The following CDC27 variants were observed in gnomAD, a reference collection of about 807,000 sequenced individuals.
CDC27 encodes cell division cycle 27, also known as cell division cycle protein 27 homolog.
A neutral mutation model predicts 109.7 loss-of-function variants in CDC27; 27 were observed. The observed-to-expected ratio is 0.25, with a 90% CI of 0.18 to 0.34. CDC27 has a LOEUF of 0.34. Among genes scored for constraint, CDC27 ranks in the 10% least tolerant of loss-of-function variants. CDC27 has a pLI of 1.00. For synonymous variants in CDC27, 266 were observed against 333.9 expected, an observed-to-expected ratio of 0.80 and a Z score of 2.22; for missense variants, 579 against 960.2, an observed-to-expected ratio of 0.60 and a Z score of 5.25.
chr17:47,128,553 T>C (rs572221258), intron 16 of CDC27, among the ~76,000 whole-genome samples: 1 of 152,178 alleles, frequency 6.6e-6, no homozygotes, highest in Non-Finnish European at 1.5e-5. Context: ...CATAACTTAA[T>C]ACACTTTCCC....
intron 16 of CDC27, among the ~76,000 whole-genome samples, chr17:47,124,178 A>AAC (rs59790354): frequency 0.011 from 1,518 of 144,436 alleles, 19 homozygotes; most frequent in Middle Eastern, 0.042. Context: ...GTACACTGAA[A>AAC]ACACACACAC....
intron 4 of CDC27, among the ~76,000 whole-genome samples, chr17:47,158,593 C>T (rs1358931632): frequency 6.6e-6 from 1 of 151,754 alleles, no homozygotes. Flanking sequence ...ATGTGAAAAA[C>T]ATCCAAATCC....
At chr17:47,129,896 T>C (rs1341670176) in intron 15 of CDC27, among the ~76,000 whole-genome samples, 1 of 152,204 alleles carries the variant, frequency 6.6e-6, no homozygotes, top group Non-Finnish European at 1.5e-5. Flanking sequence ...AACCTTGGTG[T>C]TCTATTCATA....
Position 47,184,969 on chromosome 17 carries a change from G to A in CDC27, c.28-3332C>T, listed in dbSNP as rs118125119. Among the ~76,000 whole-genome samples, 294 of 152,168 alleles carry A rather than the reference G, an allele frequency of 1.9e-3. 5 individuals carry two copies. In the East Asian group the frequency reaches 0.053, roughly 28 times the overall value. ...AAGTTATGAAGCCAAAAAGAACAACGCTCCTCTCCCTCTCCCCTAAAAAAT... is the reference window on the plus strand; with the variant it reads ...AAGTTATGAAGCCAAAAAGAACAACACTCCTCTCCCTCTCCCCTAAAAAAT... On this transcript the variant is annotated intron_variant, in intron 1 of 18. Transcript: ENST00000066544.
At chr17:47,188,403 A>C (rs978186772) in intron 1 of CDC27, among the ~76,000 whole-genome samples, 11 of 152,208 alleles carry the variant, frequency 7.2e-5, no homozygotes, top group African/African-American at 2.7e-4. Context: ...CCTGGTGTAA[A>C]GGCAGTGAAA....
chr17:47,127,410 G>A (rs538172666), intron 16 of CDC27, among the ~76,000 whole-genome samples: 3 of 150,588 alleles, frequency 2.0e-5, no homozygotes, highest in East Asian at 3.9e-4. Flanking sequence ...CTATTTTTAC[G>A]TTTTTTTTTG....
chr17:47,156,796 C>T, intron 7 of CDC27, 117 bp downstream of exon 7: 2 of 445,296 alleles, frequency 4.5e-6, no homozygotes, highest in Non-Finnish European at 8.0e-6. Flanking sequence ...ACAGAATGCC[C>T]CTGTTTCCAC....
chr17:47,143,678 T>G (rs11570518), intron 10 of CDC27, among the ~76,000 whole-genome samples: 271 of 152,148 alleles, frequency 1.8e-3, no homozygotes, highest in African/African-American at 6.1e-3. Context: ...AGAAAAAAAA[T>G]TTTTTAATTA....
intron 4 of CDC27, among the ~76,000 whole-genome samples, chr17:47,164,609 G>A (rs1374214237): frequency 6.6e-6 from 1 of 152,164 alleles, no homozygotes; most frequent in Non-Finnish European, 1.5e-5. Flanking sequence ...GTGAGGTTGG[G>A]AATTTGAGAC....
intron 1 of CDC27, among the ~76,000 whole-genome samples, chr17:47,182,819 A>G (rs1567725447): frequency 6.6e-6 from 1 of 152,130 alleles, no homozygotes; most frequent in Admixed American, 6.5e-5. Context: ...TTTTCCAATT[A>G]TAACAATGCT....
At chr17:47,132,574 AT>A (rs1216785658) in intron 14 of CDC27, among the ~76,000 whole-genome samples, 200 bp from the exon 15 acceptor site, 3 of 150,532 alleles carry the variant, frequency 2.0e-5, no homozygotes, top group Admixed American at 1.3e-4. Context: ...AAATAAAAAA[AT>A]TTTTTTTTGA....
rs1355141464 is a variant in CDC27 at position 47,124,255 on chromosome 17, TCATCTATCTATC to T, written c.2161-307_2161-296del. Among the ~76,000 whole-genome samples the T allele has an allele frequency of 4.8e-5, 3 of 62,984 alleles. No homozygotes were observed. The East Asian group carries it at 9.5e-4, about 20-fold the overall frequency. 41.3% of individuals were successfully genotyped at this position (62,984 alleles called of 152,430 possible). ...AGGTGGTAACAATCCTTGCTTTTGG[TCATCTATCTATC>T]TATCTATCTATCTATCTATTCATTT... On this transcript the variant is annotated intron_variant, in intron 16 of 18. Transcript: ENST00000066544.
At chr17:47,169,871 C>T in intron 4 of CDC27, 46 bp downstream of exon 4, 1 of 1,504,988 alleles carries the variant, frequency 6.6e-7, no homozygotes, top group Non-Finnish European at 8.9e-7. Flanking sequence ...ATAAAACATA[C>T]TTGTATGGAA....
intron 4 of CDC27, among the ~76,000 whole-genome samples, chr17:47,164,465 T>C (rs941151144): frequency 6.6e-6 from 1 of 152,186 alleles, no homozygotes; most frequent in African/African-American, 2.4e-5. Context: ...CTTCCCCCAA[T>C]AATATCTGAC....
At chr17:47,147,355 C>T (rs1284294112) in intron 9 of CDC27, among the ~76,000 whole-genome samples, 4 of 151,048 alleles carry the variant, frequency 2.6e-5, no homozygotes, top group East Asian at 2.0e-4. Flanking sequence ...GTCGAGATCG[C>T]GCCACTGCAC....
At chr17:47,177,857 TACACAC>T (rs34596516) in intron 2 of CDC27, among the ~76,000 whole-genome samples, 6 of 150,280 alleles carry the variant, frequency 4.0e-5, no homozygotes, top group Admixed American at 6.6e-5. Context: ...TATGTGTGTG[TACACAC>T]ACACACACAC....
intron 2 of CDC27, among the ~76,000 whole-genome samples, chr17:47,179,953 A>C (rs1310986310): frequency 6.6e-6 from 1 of 152,152 alleles, no homozygotes. Context: ...ACAAAAACAA[A>C]AAGGAAATAC....
chr17:47,126,287 C>G (rs1217034495), intron 16 of CDC27, among the ~76,000 whole-genome samples: 1 of 152,054 alleles, frequency 6.6e-6, no homozygotes, highest in Non-Finnish European at 1.5e-5. Flanking sequence ...TTCCTTATGC[C>G]CTTTTCATAC....
intron 5 of CDC27, among the ~76,000 whole-genome samples, chr17:47,157,734 T>G (rs1411761333): frequency 6.6e-6 from 1 of 152,198 alleles, no homozygotes; most frequent in Non-Finnish European, 1.5e-5. Flanking sequence ...ACCCATCATA[T>G]TTTACAGTAA....
Sources: gnomAD v4.1 joint callset for allele counts (sites outside exome capture counted in the v4.1 genomes callset) on GRCh38, gnomAD v4.1.1 for gene constraint, MANE v1.5 for transcripts, NCBI Gene and HGNC (gene_info 2026-07-23, HGNC 2026-07-21) for gene names.